HKDC1: variants seen among roughly 807,000 people sequenced by gnomAD.
HKDC1 encodes hexokinase HKDC1.
A neutral mutation model predicts 96.6 loss-of-function variants in HKDC1; 66 were observed. The ratio of observed to expected loss-of-function variants is 0.68; its 90% CI spans 0.56 to 0.84. The LOEUF (loss-of-function observed/expected upper bound fraction) is 0.84, where lower values mean the gene tolerates loss of function less well. Among genes scored for constraint, HKDC1 ranks in the 40% least tolerant of loss-of-function variants. The probability of loss-of-function intolerance (pLI) is 0.00; values close to 1 mark genes in which losing one functional copy is unlikely to be tolerated. For missense variants in HKDC1, 1,211 were observed against 1,208.1 expected (o/e 1.00, Z -0.04); for synonymous variants, 466 against 473.1 (o/e 0.98, Z 0.20).
intron 2 of HKDC1, among the ~76,000 whole-genome samples, chr10:69,228,954 AAGAG>A (rs1003073454): frequency 6.6e-6 from 1 of 152,030 alleles, no homozygotes; most frequent in Non-Finnish European, 1.5e-5. Context: ...GAAAGAAAGA[AAGAG>A]AAAGAAGAAA....
chr10:69,265,404 G>C, intron 16 of HKDC1, 181 bp from the exon 17 acceptor site: 1 of 617,180 alleles, frequency 1.6e-6, no homozygotes, highest in East Asian at 2.8e-5. Flanking sequence ...GGAACTTCCA[G>C]GGGTGGTGGA....
rs1347768559 is a variant in HKDC1 at position 69,247,593 on chromosome 10, A to G, written c.1265A>G (p.Gln422Arg). The G allele has an allele frequency of 1.9e-6, 3 of 1,612,234 alleles. No individual in the cohort carries two copies. In the Admixed American group the frequency reaches 5.0e-5, roughly 27 times the overall value. The change falls in exon 9 of 18, where the codon CAG (glutamine) becomes CGG (arginine). Residue 422 changes from glutamine to arginine, a missense_variant and splice_region_variant. Gln to Arg is a conservative substitution (Grantham distance 43, BLOSUM62 1). Coordinates refer to ENST00000354624, the MANE Select transcript of HKDC1 (RefSeq NM_025130.4). ...MDGTLYKIHP[Q>R]YPKRLHKVVR... The stretch of plus-strand genomic sequence containing the variant: ...GGCACCCTCTACAAGATACACCCTC[A>G]GTGAGTGCTGCCTGCCATCCACGCC...
chr10:69,236,120 ATTTT>A (rs11341726), intron 4 of HKDC1, among the ~76,000 whole-genome samples: 2 of 138,574 alleles, frequency 1.4e-5, no homozygotes. Flanking sequence ...AAGCATTTTG[ATTTT>A]TTTTTTTTTT....
chr10:69,267,288 A>T lies in HKDC1; in HGVS notation c.*531A>T. On this transcript the variant is annotated 3_prime_UTR_variant, in exon 18 of 18. Transcript: ENST00000354624. The stretch of plus-strand genomic sequence containing the variant: ...CTTCAAACCTATTAAGAGAACAAAG[A>T]CTTTGAAGTATCCAGCCCCAGGGTG... The T allele has an allele frequency of 2.9e-6, 1 of 342,708 alleles. No homozygotes were observed. Among genetic ancestry groups the T allele is most frequent in the Non-Finnish European group, 5.6e-6 (1 of 177,172 alleles). The allele number at this position is 342,708 out of a possible 1,614,324, so 21.2% of individuals were successfully genotyped here.
intron 6 of HKDC1, among the ~76,000 whole-genome samples, chr10:69,241,320 A>G (rs1354554189): frequency 6.6e-6 from 1 of 152,016 alleles, no homozygotes; most frequent in Non-Finnish European, 1.5e-5. Flanking sequence ...GAGGTGAGTG[A>G]AGGCTGAGAG....
chr10:69,249,867 C>T (rs1843609885), intron 10 of HKDC1, among the ~76,000 whole-genome samples: 1 of 152,158 alleles, frequency 6.6e-6, no homozygotes, highest in Non-Finnish European at 1.5e-5. Context: ...CTTGGGGCTC[C>T]CGAGAAGGCT....
At chr10:69,232,987 A>G (rs769172679) in intron 3 of HKDC1, 27 bp from the exon 4 acceptor site, 5 of 1,613,336 alleles carry the variant, frequency 3.1e-6, no homozygotes, top group South Asian at 1.1e-5. Context: ...ACCTTAGCCC[A>G]TGTACTTTGC....
chr10:69,220,343 C>T lies in HKDC1; in HGVS notation c.-93C>T, dbSNP rs1162135297. The T allele has an allele frequency of 1.7e-5, 16 of 941,096 alleles. 1 individual carries two copies. The highest frequency in any genetic ancestry group is 2.5e-5 in the Non-Finnish European group (16 of 647,452). 58.3% of individuals were successfully genotyped at this position (941,096 alleles called of 1,614,324 possible). Reference sequence around the variant, plus strand: ...CCTCGCTCCCCAGGAGGTCTGCCAGCCTGGACTGGAAGCGTGCAACACTCC... The same window carrying T: ...CCTCGCTCCCCAGGAGGTCTGCCAGTCTGGACTGGAAGCGTGCAACACTCC... On this transcript the variant is annotated 5_prime_UTR_variant, in exon 1 of 18. Coordinates refer to ENST00000354624, the MANE Select transcript of HKDC1 (RefSeq NM_025130.4).
At chr10:69,235,034 G>A (rs185245475) in intron 4 of HKDC1, among the ~76,000 whole-genome samples, 38 of 151,770 alleles carry the variant, frequency 2.5e-4, no homozygotes, top group East Asian at 9.7e-4. Context: ...AGGCTGAGGC[G>A]GGAGGATTGC....
chr10:69,237,691 C>T lies in HKDC1; in HGVS notation c.496-1351C>T, dbSNP rs1307745526. Among the ~76,000 whole-genome samples, 12 of 152,196 alleles carry T rather than the reference C, an allele frequency of 7.9e-5. No individual in the cohort carries two copies. The South Asian group carries it at 8.3e-4, about 11-fold the overall frequency. On this transcript the variant is annotated intron_variant, in intron 4 of 17. Transcript: ENST00000354624. ...GAAAGCCAGCCTGTGCATCTCTCCC[C>T]GCTCTGTCCCTGGAGACAGGGATGT...
chr10:69,260,073 G>T (rs2132377268), intron 15 of HKDC1, among the ~76,000 whole-genome samples: 1 of 152,326 alleles, frequency 6.6e-6, no homozygotes, highest in East Asian at 1.9e-4. Flanking sequence ...TCAAAACTAA[G>T]CTCAGTGTCT....
rs751807486 is a variant in HKDC1, at chr10:69,247,476, C to T, written c.1148C>T (p.Ala383Val). ...HVCTIVSFRS[A>V]NLCAAALAAI... ...TGTACCATCGTCTCCTTCCGCTCGG[C>T]CAATCTCTGTGCAGCAGCTCTGGCG... The change falls in exon 9 of 18, where the codon GCC becomes GTC. Residue 383 changes from alanine (A) to valine (V), a missense_variant. Physicochemically the swap from Ala to Val is moderately conservative, Grantham distance 64. Coordinates refer to ENST00000354624, the MANE Select transcript of HKDC1 (RefSeq NM_025130.4). 2 of 1,614,158 alleles carry T rather than the reference C, an allele frequency of 1.2e-6. No individual in the cohort carries two copies. Among genetic ancestry groups the T allele is most frequent in the Non-Finnish European group, 1.7e-6 (2 of 1,180,024 alleles).
chr10:69,243,941 G>A lies in HKDC1; in HGVS notation c.875+576G>A, dbSNP rs564781883. 2.2e-4 allele frequency among the ~76,000 whole-genome samples: 34 copies of A among 152,290 alleles called. 2 individuals are homozygous for A. The East Asian group carries it at 5.4e-3, about 24-fold the overall frequency. Reference sequence around the variant, plus strand: ...AATTCAGTCAGTATTTGTGGGTTACGTATGTGCATGATAGGCACTGAAGAT... The same window carrying A: ...AATTCAGTCAGTATTTGTGGGTTACATATGTGCATGATAGGCACTGAAGAT... On this transcript the variant is annotated intron_variant, in intron 7 of 17. Transcript: ENST00000354624.
At position 69,232,801 on chromosome 10, in the gene HKDC1, C is replaced by T; in HGVS notation, c.264C>T (p.Ser88=). Reference sequence around the variant, plus strand: ...TCCTTTCCCTGGATCTCGGAGGGTCCAAGTTCCGAGTGCTGAAGGTGCAAG... The same window carrying T: ...TCCTTTCCCTGGATCTCGGAGGGTCTAAGTTCCGAGTGCTGAAGGTGCAAG... ...GEFLSLDLGG[S]KFRVLKVQVA... is the part of the protein sequence containing the mutation. The change falls in exon 3 of 18, where the codon TCC becomes TCT. Residue 88 remains serine, a synonymous_variant. Transcript: ENST00000354624. The T allele has an allele frequency of 6.2e-7, 1 of 1,614,064 alleles. No individual in the cohort carries two copies. The highest frequency in any genetic ancestry group is 2.2e-5 in the East Asian group (1 of 44,882).
At position 69,250,641 on chromosome 10, in the gene HKDC1, A is replaced by C. The variant is rs748748783; in HGVS notation, c.1825A>C (p.Ser609Arg). 2 of 1,613,766 alleles carry C rather than the reference A, an allele frequency of 1.2e-6. No homozygotes were observed. The highest frequency in any genetic ancestry group is 1.7e-6 in the Non-Finnish European group (2 of 1,179,982). Residue 609 changes from serine (S) to arginine (R), a missense_variant, in exon 12 of 18, where the codon AGC becomes CGC. Coordinates refer to ENST00000354624, the MANE Select transcript of HKDC1 (RefSeq NM_025130.4). ...ATTCTCATTTCCCTGCAGGCAGATG[A>C]GCATTGACAAGGTAAGATAGCCCCA... ...FTFSFPCRQMSIDKGTLIGWT... is the reference protein window; with the variant it reads ...FTFSFPCRQMRIDKGTLIGWT...
At position 69,250,339 on chromosome 10, in the gene HKDC1, C is replaced by T; in HGVS notation, c.1620C>T (p.Val540=). 1 of 1,614,102 alleles carries T rather than the reference C, an allele frequency of 6.2e-7. No individual in the cohort carries two copies. Among genetic ancestry groups the T allele is most frequent in the African/African-American group, 1.3e-5 (1 of 75,070 alleles). ...ATCTTGGGGGAACCAACTTCCGGGT[C>T]CTCCTGGTGAAGATCAGAAGTGGAC... is the stretch of plus-strand genomic sequence containing the variant. ...ALDLGGTNFR[V]LLVKIRSGRR... The change falls in exon 11 of 18, where the codon GTC becomes GTT. Residue 540 remains valine (V), a synonymous_variant. Coordinates refer to ENST00000354624, the MANE Select transcript of HKDC1 (RefSeq NM_025130.4).
chr10:69,222,040 G>A (rs571066371), intron 1 of HKDC1, among the ~76,000 whole-genome samples: 2 of 152,284 alleles, frequency 1.3e-5, no homozygotes, highest in African/African-American at 4.8e-5. Context: ...TGGCCAACAT[G>A]GTGAAACCCC....
intron 4 of HKDC1, among the ~76,000 whole-genome samples, chr10:69,233,811 T>C (rs1010839883): frequency 7.0e-6 from 1 of 143,094 alleles, no homozygotes; most frequent in Non-Finnish European, 1.5e-5. Flanking sequence ...GGCAGGAGAA[T>C]GGCGTGAACC....
intron 16 of HKDC1, among the ~76,000 whole-genome samples, chr10:69,264,366 C>T (rs151249649): frequency 7.3e-5 from 11 of 151,272 alleles, no homozygotes; most frequent in East Asian, 1.9e-4. Flanking sequence ...AATATTCTCA[C>T]GCAAACTCAT....
Sources: gnomAD v4.1 joint callset for allele counts (sites outside exome capture counted in the v4.1 genomes callset) on GRCh38, gnomAD v4.1.1 for gene constraint, MANE v1.5 for transcripts, NCBI Gene and HGNC (gene_info 2026-07-23, HGNC 2026-07-21) for gene names.